Variants in KAZN observed in about 807,000 individuals in gnomAD.
KAZN encodes kazrin.
A neutral mutation model predicts 87.4 loss-of-function variants in KAZN; 40 were observed. The observed-to-expected ratio is 0.46, with a 90% CI of 0.36 to 0.60. KAZN has a LOEUF of 0.60. Ranked by LOEUF, KAZN falls within the 20% of genes least tolerant of loss-of-function variation. The pLI, the probability that KAZN is intolerant of heterozygous loss-of-function variation, is 0.00. For missense variants in KAZN, 898 were observed against 1,073.9 expected, an observed-to-expected ratio of 0.84 and a Z score of 2.29; for synonymous variants, 466 against 458.3, an observed-to-expected ratio of 1.02 and a Z score of -0.22.
chr1:14,681,114 C>T (rs191654487), intron 1 of KAZN, among the ~76,000 whole-genome samples: 1 of 152,290 alleles, frequency 6.6e-6, no homozygotes, highest in Admixed American at 6.5e-5. Flanking sequence ...AAGGGGGCTG[C>T]CCAAGTCATT....
At chr1:14,695,139 T>G (rs2148792701) in intron 1 of KAZN, among the ~76,000 whole-genome samples, 1 of 152,286 alleles carries the variant, frequency 6.6e-6, no homozygotes, top group South Asian at 2.1e-4. Flanking sequence ...TTCTAGAACT[T>G]TCTACTGCAA....
chr1:15,055,199 G>A (rs190602726), intron 4 of KAZN, among the ~76,000 whole-genome samples: 8 of 152,294 alleles, frequency 5.3e-5, no homozygotes, highest in South Asian at 2.1e-4. Context: ...TCCTGGGGCC[G>A]GGCGCAGTGG....
At chr1:14,583,640 C>T (rs970474748) in intron 2 of KAZN, among the ~76,000 whole-genome samples, 8 of 152,088 alleles carry the variant, frequency 5.3e-5, no homozygotes, top group Admixed American at 6.6e-5. Flanking sequence ...CAGGCCCCTG[C>T]TCTTGCAGCA....
At chr1:14,903,814 A>T (rs778119746) in intron 1 of KAZN, among the ~76,000 whole-genome samples, 42 of 152,156 alleles carry the variant, frequency 2.8e-4, no homozygotes, top group Middle Eastern at 3.2e-3. Flanking sequence ...TTGAATGCTA[A>T]CTCTGGCAGA....
intron 2 of KAZN, among the ~76,000 whole-genome samples, chr1:14,225,556 A>C (rs1056138669): frequency 1.3e-5 from 2 of 152,202 alleles, no homozygotes; most frequent in African/African-American, 4.8e-5. Flanking sequence ...ACAAAAAAAT[A>C]AGCCTGAATA....
At chr1:13,942,414 C>T (rs934456860) in intron 1 of KAZN, among the ~76,000 whole-genome samples, 1 of 148,242 alleles carries the variant, frequency 6.7e-6, no homozygotes, top group Non-Finnish European at 1.5e-5. Flanking sequence ...GTGGCGGGCG[C>T]CTGTAGTCCC....
intron 2 of KAZN, among the ~76,000 whole-genome samples, chr1:14,473,637 C>CAAA (rs57752492): frequency 7.4e-5 from 6 of 81,186 alleles, no homozygotes; most frequent in African/African-American, 2.3e-4. Context: ...GACTCTGTCT[C>CAAA]AAAAAAAAAA....
At chr1:14,095,271 T>C (rs1030807919) in intron 1 of KAZN, among the ~76,000 whole-genome samples, 16 of 152,212 alleles carry the variant, frequency 1.1e-4, no homozygotes, top group African/African-American at 3.6e-4. Context: ...CATCTAGGTA[T>C]ATGCCGTGGA....
chr1:14,374,827 G>A (rs1660771961), intron 2 of KAZN, among the ~76,000 whole-genome samples: 1 of 152,166 alleles, frequency 6.6e-6, no homozygotes, highest in East Asian at 1.9e-4. Context: ...CATCAAAACA[G>A]GCAGACATAG....
rs549357735 is a variant in KAZN, at chr1:13,985,595, T to C, written c.91+91839T>C. Among the ~76,000 whole-genome samples, 19 of 149,772 alleles carry C rather than the reference T, an allele frequency of 1.3e-4. No individual in the cohort carries two copies. In the East Asian group the frequency reaches 2.4e-3, roughly 19 times the overall value. On this transcript the variant is annotated intron_variant, in intron 1 of 16. Transcript: ENST00000636203. ...GGGGGAGGGATAGCATTGGGAGATATACCTAATGCTAGATGACGAATTTTA... is the reference window on the plus strand; with the variant it reads ...GGGGGAGGGATAGCATTGGGAGATACACCTAATGCTAGATGACGAATTTTA...
At chr1:14,177,134 G>A (rs1045827991) in intron 1 of KAZN, among the ~76,000 whole-genome samples, 6 of 152,096 alleles carry the variant, frequency 3.9e-5, no homozygotes, top group African/African-American at 9.7e-5. Flanking sequence ...CTCGAGCCTG[G>A]GTGACACAGC....
At chr1:14,053,582 G>T (rs537033044) in intron 1 of KAZN, among the ~76,000 whole-genome samples, 11 of 152,294 alleles carry the variant, frequency 7.2e-5, no homozygotes, top group African/African-American at 2.6e-4. Context: ...GGATCAGAAG[G>T]CTCCAAGTTC....
At chr1:14,997,173 A>G (rs1352851902) in intron 2 of KAZN, among the ~76,000 whole-genome samples, 2 of 151,404 alleles carry the variant, frequency 1.3e-5, no homozygotes, top group African/African-American at 4.9e-5. Context: ...CATGCATTTC[A>G]CAGACTCTGT....
chr1:13,960,917 T>C (rs1350090557), intron 1 of KAZN, among the ~76,000 whole-genome samples: 1 of 152,192 alleles, frequency 6.6e-6, no homozygotes, highest in Non-Finnish European at 1.5e-5. Context: ...GTTGGTAACA[T>C]CTTTTGCAGG....
chr1:14,409,530 C>T (rs929603543), intron 2 of KAZN, among the ~76,000 whole-genome samples: 1 of 152,194 alleles, frequency 6.6e-6, no homozygotes, highest in African/African-American at 2.4e-5. Context: ...ATTACCCACA[C>T]TACCCCAGAA....
chr1:14,966,181 T>C (rs1664440715), intron 2 of KAZN, among the ~76,000 whole-genome samples: 1 of 152,132 alleles, frequency 6.6e-6, no homozygotes, highest in African/African-American at 2.4e-5. Context: ...GATTTCACCG[T>C]GTTGCCCAGG....
intron 1 of KAZN, among the ~76,000 whole-genome samples, chr1:14,677,134 AT>A (rs1640273884): frequency 6.6e-6 from 1 of 152,068 alleles, no homozygotes; most frequent in South Asian, 2.1e-4. Context: ...TCTTTGTGTC[AT>A]CTTTGTTTTG....
chr1:15,062,776 T>G (rs892877048), intron 6 of KAZN: 7 of 152,162 alleles, frequency 4.6e-5, no homozygotes, highest in African/African-American at 1.7e-4. Flanking sequence ...ACCTGTAGGC[T>G]ATTAAGGGTT....
At chr1:13,982,686 A>G (rs1327650307) in intron 1 of KAZN, among the ~76,000 whole-genome samples, 1 of 152,064 alleles carries the variant, frequency 6.6e-6, no homozygotes, top group Non-Finnish European at 1.5e-5. Flanking sequence ...GCTAGACACA[A>G]AGGTTCTCCA....
Sources: allele counts gnomAD v4.1 joint callset (sites outside exome capture counted in the v4.1 genomes callset), GRCh38; gene constraint gnomAD v4.1.1; transcripts MANE v1.5; gene names NCBI Gene and HGNC (gene_info 2026-07-23, HGNC 2026-07-21).